Variants in ADCY2 observed in about 807,000 individuals in gnomAD.
ADCY2 encodes the protein adenylate cyclase 2.
A neutral mutation model predicts 125.2 loss-of-function variants in ADCY2; 31 were observed. That is an observed-to-expected ratio of 0.25 (90% CI 0.19 to 0.33). ADCY2 has a LOEUF of 0.33. ADCY2 is among the 10% of genes least tolerant of loss of function. The pLI, the probability that ADCY2 is intolerant of heterozygous loss-of-function variation, is 1.00. For missense variants in ADCY2, 904 were observed against 1,418.2 expected (o/e 0.64, Z 5.82); for synonymous variants, 512 against 548.4 (o/e 0.93, Z 0.93).
intron 3 of ADCY2, among the ~76,000 whole-genome samples, chr5:7,608,409 C>T (rs1396785420): frequency 6.6e-6 from 1 of 151,968 alleles, no homozygotes; most frequent in Admixed American, 6.6e-5. Flanking sequence ...AACTTTGTCT[C>T]TACTAAAAAT....
intron 10 of ADCY2, among the ~76,000 whole-genome samples, chr5:7,710,635 G>T (rs977403876): frequency 6.6e-6 from 1 of 152,168 alleles, no homozygotes; most frequent in African/African-American, 2.4e-5. Context: ...TGTGGCTGGA[G>T]CATCATGAAC....
intron 3 of ADCY2, among the ~76,000 whole-genome samples, chr5:7,564,924 C>G (rs1354794450): frequency 6.6e-6 from 1 of 152,174 alleles, no homozygotes; most frequent in African/African-American, 2.4e-5. Context: ...GACAACAGAT[C>G]GTGGTGAATT....
chr5:7,801,539 C>A (rs185985610), intron 20 of ADCY2: 2 of 152,210 alleles, frequency 1.3e-5, no homozygotes, highest in Admixed American at 1.3e-4. Flanking sequence ...CTTTCTGGAA[C>A]CTTCATTGAA....
chr5:7,615,778 T>C (rs770388575), intron 3 of ADCY2, among the ~76,000 whole-genome samples: 1 of 152,130 alleles, frequency 6.6e-6, no homozygotes, highest in Non-Finnish European at 1.5e-5. Flanking sequence ...GTTGACATCA[T>C]GTCTTTGCAA....
At chr5:7,787,690 ATAGG>A (rs1311743981) in intron 19 of ADCY2, among the ~76,000 whole-genome samples, 1 of 144,550 alleles carries the variant, frequency 6.9e-6, no homozygotes, top group African/African-American at 2.5e-5. Context: ...AGGTAGATAG[ATAGG>A]TAGATAGATA....
intron 3 of ADCY2, among the ~76,000 whole-genome samples, chr5:7,605,811 C>G (rs1199715269): frequency 6.2e-5 from 1 of 16,142 alleles, no homozygotes; most frequent in African/African-American, 1.7e-4. Context: ...ATTTCCTTCT[C>G]CTGCCTGATT....
chr5:7,659,455 G>A (rs1739452918), intron 4 of ADCY2, among the ~76,000 whole-genome samples: 1 of 152,164 alleles, frequency 6.6e-6, no homozygotes, highest in African/African-American at 2.4e-5. Flanking sequence ...GAATGGAAAT[G>A]GAAACAGTCT....
chr5:7,822,726 ATGTG>A (rs33999538), intron 24 of ADCY2, among the ~76,000 whole-genome samples: 1,728 of 151,262 alleles, frequency 0.011, 29 homozygotes, highest in East Asian at 0.062. Flanking sequence ...GTGTACATGC[ATGTG>A]TGTGTGTGTG....
chr5:7,800,927 G>T (rs2126520186), intron 20 of ADCY2: 1 of 152,310 alleles, frequency 6.6e-6, no homozygotes, highest in East Asian at 1.9e-4. Flanking sequence ...TTCTGCACAA[G>T]AAACCAGCAC....
intron 2 of ADCY2, among the ~76,000 whole-genome samples, chr5:7,418,495 C>T (rs140376687): frequency 6.6e-6 from 1 of 152,192 alleles, no homozygotes; most frequent in African/African-American, 2.4e-5. Context: ...AGGGTGTGTG[C>T]CTCATGCAGT....
intron 24 of ADCY2, among the ~76,000 whole-genome samples, chr5:7,822,071 C>G (rs1297593244): frequency 6.6e-6 from 1 of 152,032 alleles, no homozygotes; most frequent in Non-Finnish European, 1.5e-5. Context: ...ACAGTTCATT[C>G]CAGTATTCGG....
intron 12 of ADCY2, among the ~76,000 whole-genome samples, chr5:7,721,560 C>A (rs199612065): frequency 2.6e-5 from 4 of 152,118 alleles, no homozygotes; most frequent in African/African-American, 9.7e-5. Context: ...ATCCATCTTG[C>A]ATTAATTTTT....
intron 7 of ADCY2, among the ~76,000 whole-genome samples, chr5:7,705,476 C>T (rs933868920): frequency 5.3e-5 from 8 of 152,208 alleles, no homozygotes; most frequent in African/African-American, 1.7e-4. Context: ...AAGAACAATG[C>T]CAGCTGGCCA....
At chr5:7,433,783 CA>C (rs1740695620) in intron 2 of ADCY2, among the ~76,000 whole-genome samples, 1 of 151,924 alleles carries the variant, frequency 6.6e-6, no homozygotes, top group Non-Finnish European at 1.5e-5. Flanking sequence ...GTTTATGTGG[CA>C]GGGGTGAAAT....
In ADCY2 at chr5:7,396,138, G is replaced by C. The variant is rs893407623; in HGVS notation, c.-159G>C. On this transcript the variant is annotated 5_prime_UTR_variant, in exon 1 of 25. Coordinates refer to ENST00000338316, the MANE Select transcript of ADCY2 (RefSeq NM_020546.3). This position sits in a 1 kb window ranked among gnomAD's most constrained non-coding sequence, Gnocchi z 5.7. ...GCCCGCGCGTCAGCGCGCCCAGCCCGGGGCGCCGAGCTCCGCCCGCGCCGG... is the reference window on the plus strand; with the variant it reads ...GCCCGCGCGTCAGCGCGCCCAGCCCCGGGCGCCGAGCTCCGCCCGCGCCGG... 138 of 154,334 alleles carry C rather than the reference G, an allele frequency of 8.9e-4. 1 individual carries two copies. Among genetic ancestry groups the C allele is most frequent in the Non-Finnish European group, 1.5e-3 (114 of 76,140 alleles). 9.6% of individuals were successfully genotyped at this position (154,334 alleles called of 1,614,324 possible).
intron 2 of ADCY2, among the ~76,000 whole-genome samples, chr5:7,440,314 A>G (rs1247007618): frequency 6.6e-6 from 1 of 152,216 alleles, no homozygotes; most frequent in Non-Finnish European, 1.5e-5. Flanking sequence ...TTTCTTTCAC[A>G]GGGAGCTAGA....
In ADCY2 at chr5:7,538,568, A is replaced by C. The variant is rs201458019; in HGVS notation, c.570+17669A>C. 7.9e-5 allele frequency among the ~76,000 whole-genome samples: 12 copies of C among 152,262 alleles called. No homozygotes were observed. The East Asian group carries it at 1.9e-3, about 25-fold the overall frequency. ...GAAAGAACTTCTGCTTGAAATATTT[A>C]AATGGGAGAAAACATTTGAGTTTTC... On this transcript the variant is annotated intron_variant, in intron 3 of 24. Transcript: ENST00000338316.
intron 3 of ADCY2, among the ~76,000 whole-genome samples, chr5:7,588,186 C>A (rs563652774): frequency 1.1e-4 from 16 of 152,022 alleles, no homozygotes; most frequent in African/African-American, 3.6e-4. Flanking sequence ...AGGATTCTAT[C>A]AGAAATATTT....
At chr5:7,818,759 G>A (rs777273404) in intron 23 of ADCY2, among the ~76,000 whole-genome samples, 45 of 149,406 alleles carry the variant, frequency 3.0e-4, no homozygotes, top group Non-Finnish European at 5.4e-4. Flanking sequence ...CCAAACATGG[G>A]CGTGTCCCTT....
Sources: gnomAD v4.1 joint callset for allele counts (sites outside exome capture counted in the v4.1 genomes callset) on GRCh38, gnomAD v4.1.1 for gene constraint, Gnocchi (gnomAD v3.1) non-coding constraint, MANE v1.5 for transcripts, NCBI Gene and HGNC (gene_info 2026-07-23, HGNC 2026-07-21) for gene names.